The following CDH13 variants were observed in gnomAD, a reference collection of about 807,000 sequenced individuals.
CDH13 encodes the protein cadherin 13.
CDH13 carries 24 observed loss-of-function variants against 63.8 expected under a neutral mutation model. The observed-to-expected ratio is 0.38, with a 90% confidence interval of 0.27 to 0.53. The LOEUF is 0.53. Among genes scored for constraint, CDH13 ranks in the 20% least tolerant of loss-of-function variants. CDH13 has a pLI of 0.85. For synonymous variants in CDH13, 503 were observed against 355.3 expected (o/e 1.42, Z -4.67); for missense variants, 1,049 against 903.1 (o/e 1.16, Z -2.07).
At chr16:82,760,132 A>T (rs1005066976) in intron 1 of CDH13, among the ~76,000 whole-genome samples, 1 of 152,192 alleles carries the variant, frequency 6.6e-6, no homozygotes, top group African/African-American at 2.4e-5. Flanking sequence ...TTTTTCTGGA[A>T]CACAAATATT....
chr16:83,201,549 G>T (rs931168426), intron 4 of CDH13, among the ~76,000 whole-genome samples: 1 of 152,062 alleles, frequency 6.6e-6, no homozygotes, highest in South Asian at 2.1e-4. Flanking sequence ...TGGGAAAGGG[G>T]GCTGGGATAC....
intron 5 of CDH13, 107 bp downstream of exon 5, chr16:83,217,604 T>G: frequency 7.1e-5 from 82 of 1,151,934 alleles, no homozygotes; most frequent in Non-Finnish European, 9.3e-5. Flanking sequence ...AACCCGGGAC[T>G]GCATGGCTTT....
chr16:83,508,805 AGCTAGCTG>A (rs2074485380), intron 7 of CDH13, among the ~76,000 whole-genome samples: 1 of 152,190 alleles, frequency 6.6e-6, no homozygotes, highest in Admixed American at 6.5e-5. Context: ...ATAGGCAGAG[AGCTAGCTG>A]GATCCATTAT....
At chr16:82,977,972 G>A (rs1396012573) in intron 2 of CDH13, among the ~76,000 whole-genome samples, 1 of 152,154 alleles carries the variant, frequency 6.6e-6, no homozygotes, top group African/African-American at 2.4e-5. Context: ...CCAAGTTGGG[G>A]TGGTCTCAAA....
intron 6 of CDH13, among the ~76,000 whole-genome samples, chr16:83,416,594 C>T (rs539860201): frequency 3.9e-5 from 6 of 152,174 alleles, no homozygotes; most frequent in African/African-American, 1.2e-4. Context: ...ATACTGATGC[C>T]TCCCAGAAGT....
At chr16:83,148,595 G>A (rs1378836320) in intron 4 of CDH13, among the ~76,000 whole-genome samples, 3 of 152,166 alleles carry the variant, frequency 2.0e-5, no homozygotes, top group Non-Finnish European at 2.9e-5. Flanking sequence ...ATTTTCCAGA[G>A]GATTGAATAA....
intron 2 of CDH13, among the ~76,000 whole-genome samples, chr16:82,884,742 TA>T (rs766110306): frequency 6.6e-6 from 1 of 152,214 alleles, no homozygotes; most frequent in Non-Finnish European, 1.5e-5. Context: ...CAACAAGACT[TA>T]GGCCACTTTG....
intron 3 of CDH13, among the ~76,000 whole-genome samples, chr16:83,115,592 T>C (rs78049926): frequency 2.0e-3 from 310 of 152,380 alleles, no homozygotes; most frequent in African/African-American, 7.2e-3. Context: ...TCCAGTCTTC[T>C]TACCTTGACT....
chr16:82,776,747 G>A (rs566793405), intron 1 of CDH13, among the ~76,000 whole-genome samples: 29 of 152,282 alleles, frequency 1.9e-4, no homozygotes, highest in Non-Finnish European at 3.2e-4. Context: ...TGGAAAAGCA[G>A]AACTGATTTG....
At chr16:82,819,360 C>A (rs1234425189) in intron 1 of CDH13, among the ~76,000 whole-genome samples, 1 of 152,174 alleles carries the variant, frequency 6.6e-6, no homozygotes, top group Non-Finnish European at 1.5e-5. Context: ...GTATCAAATG[C>A]TGATTCTCAA....
intron 9 of CDH13, among the ~76,000 whole-genome samples, chr16:83,676,613 G>A (rs536109532): frequency 2.6e-5 from 4 of 152,284 alleles, no homozygotes; most frequent in Non-Finnish European, 4.4e-5. Flanking sequence ...GGATTGAACC[G>A]ACACATCACT....
intron 4 of CDH13, among the ~76,000 whole-genome samples, chr16:83,169,486 A>G (rs894252993): frequency 6.6e-6 from 1 of 151,738 alleles, no homozygotes; most frequent in Non-Finnish European, 1.5e-5. Context: ...GCTTTCTTAA[A>G]TGGGCCACTT....
At chr16:83,287,385 C>T (rs75993744) in intron 5 of CDH13, among the ~76,000 whole-genome samples, 2,848 of 152,306 alleles carry the variant, frequency 0.019, 83 homozygotes, top group African/African-American at 0.054. Context: ...AGGTAAGTAG[C>T]AGGCAAGCAA....
chr16:82,653,871 A>G (rs1911008408), intron 1 of CDH13, among the ~76,000 whole-genome samples: 1 of 152,166 alleles, frequency 6.6e-6, no homozygotes, highest in Non-Finnish European at 1.5e-5. Context: ...TGAAGACCAC[A>G]TTCAAGGCCC....
intron 5 of CDH13, among the ~76,000 whole-genome samples, chr16:83,315,889 T>C (rs988727366): frequency 6.6e-6 from 1 of 152,176 alleles, no homozygotes; most frequent in Non-Finnish European, 1.5e-5. Flanking sequence ...GAGGTTAATA[T>C]ATGGGAGTAT....
chr16:83,512,175 G>A (rs1227610420), intron 7 of CDH13, among the ~76,000 whole-genome samples: 3 of 151,038 alleles, frequency 2.0e-5, no homozygotes, highest in Non-Finnish European at 4.4e-5. Context: ...CAAAAAATTA[G>A]CCAGACATGG....
chr16:83,347,118 G>C (rs1467284592), intron 6 of CDH13, among the ~76,000 whole-genome samples: 1 of 152,184 alleles, frequency 6.6e-6, no homozygotes, highest in East Asian at 1.9e-4. Context: ...AGAGTTGCAG[G>C]CAAGATGGCC....
intron 10 of CDH13, among the ~76,000 whole-genome samples, chr16:83,737,876 GC>G (rs1351454125): frequency 1.3e-5 from 2 of 152,208 alleles, no homozygotes; most frequent in Non-Finnish European, 2.9e-5. Flanking sequence ...CTGGAAAGCT[GC>G]ATGACTCAGG....
chr16:83,191,746 G>T (rs968508150), intron 4 of CDH13, among the ~76,000 whole-genome samples: 1 of 151,586 alleles, frequency 6.6e-6, no homozygotes, highest in African/African-American at 2.4e-5. Context: ...AGGCTGGGAG[G>T]CTAAACCAGT....
Sources: gnomAD v4.1 joint callset for allele counts (sites outside exome capture counted in the v4.1 genomes callset) on GRCh38, gnomAD v4.1.1 for gene constraint, MANE v1.5 for transcripts, NCBI Gene and HGNC (gene_info 2026-07-23, HGNC 2026-07-21) for gene names.